The following TRDN variants were observed in gnomAD, a reference collection of about 807,000 sequenced individuals.
TRDN encodes triadin in skeletal muscle.
TRDN carries 161 observed loss-of-function variants against 149.7 expected under a neutral mutation model. The ratio of observed to expected loss-of-function variants is 1.08; its 90% CI spans 0.95 to 1.23. The LOEUF (loss-of-function observed/expected upper bound fraction) is 1.23, where lower values mean the gene tolerates loss of function less well. Among genes scored for constraint, TRDN ranks in the 50% most tolerant of loss-of-function variants. The pLI is 0.00. For synonymous variants in TRDN, 294 were observed against 250.5 expected (o/e 1.17, Z -1.64); for missense variants, 896 against 823.5 (o/e 1.09, Z -1.08).
intron 39 of TRDN, among the ~76,000 whole-genome samples, chr6:123,222,444 G>A (rs143709028): frequency 0.018 from 2,646 of 150,966 alleles, 73 homozygotes; most frequent in African/African-American, 0.06. Flanking sequence ...AGAAGCACTG[G>A]TCTATGAGTA....
chr6:123,529,127 C>T, intron 5 of TRDN: 1 of 1,510,940 alleles, frequency 6.6e-7, no homozygotes, highest in Non-Finnish European at 8.9e-7. Context: ...GCCACTCCAG[C>T]AGCACTGTTA....
At position 123,442,737 on chromosome 6, in the gene TRDN, G is replaced by C. The variant is rs916408771; in HGVS notation, c.932-3734C>G. On this transcript the variant is annotated intron_variant, in intron 10 of 40. Transcript: ENST00000334268. ...TCTTTTTAGGTAATTTTTTAGGTGTGACATTTACTGATCTCTTTGAGTAAA... is the reference window on the plus strand; with the variant it reads ...TCTTTTTAGGTAATTTTTTAGGTGTCACATTTACTGATCTCTTTGAGTAAA... 2.6e-5 allele frequency among the ~76,000 whole-genome samples: 4 copies of C among 151,942 alleles called. No individual in the cohort carries two copies. In the East Asian group the frequency reaches 5.8e-4, roughly 22 times the overall value.
chr6:123,499,719 A>ATAT lies in TRDN; in HGVS notation c.794-2468_794-2467insATA, dbSNP rs1554249831. ...ATTCTGGCTCAAAAAAAAAAAAAAA[A>ATAT]ATATATATATATATATATATATATA... On this transcript the variant is annotated intron_variant, in intron 8 of 40. Transcript: ENST00000334268. 6.5e-3 allele frequency among the ~76,000 whole-genome samples: 308 copies of ATAT among 47,644 alleles called. 4 individuals are homozygous for ATAT. The highest frequency in any genetic ancestry group is 0.02 in the African/African-American group (278 of 13,988). 31.3% of individuals were successfully genotyped at this position (47,644 alleles called of 152,430 possible). A position where few individuals can be genotyped will look rare whatever the true frequency, so the allele number is the denominator to read the frequency against.
intron 22 of TRDN, among the ~76,000 whole-genome samples, chr6:123,336,297 T>C (rs948854171): frequency 2.6e-5 from 4 of 152,048 alleles, no homozygotes; most frequent in Non-Finnish European, 5.9e-5. Flanking sequence ...AGTGTGACAC[T>C]GAGTAACTTA....
chr6:123,519,563 T>G (rs1486555343), intron 5 of TRDN, among the ~76,000 whole-genome samples: 1 of 151,632 alleles, frequency 6.6e-6, no homozygotes, highest in Non-Finnish European at 1.5e-5. Context: ...TTAATCGTCC[T>G]GTTCTTAGGT....
At chr6:123,591,692 A>G (rs1783790692) in intron 1 of TRDN, among the ~76,000 whole-genome samples, 1 of 152,234 alleles carries the variant, frequency 6.6e-6, no homozygotes, top group Admixed American at 6.5e-5. Flanking sequence ...ATTTAGAGAG[A>G]TAAGGTTTCC....
At chr6:123,278,190 T>C in intron 26 of TRDN, 128 bp downstream of exon 26, 1 of 623,312 alleles carries the variant, frequency 1.6e-6, no homozygotes, top group Non-Finnish European at 2.4e-6. Context: ...TTGTTAGTTT[T>C]TTTTTAAGTT....
chr6:123,584,342 T>C (rs1055325092), intron 1 of TRDN, among the ~76,000 whole-genome samples: 3 of 152,180 alleles, frequency 2.0e-5, no homozygotes, highest in Non-Finnish European at 4.4e-5. Flanking sequence ...TTTGTGATTT[T>C]GACGGCCTCT....
intron 21 of TRDN, among the ~76,000 whole-genome samples, chr6:123,345,275 T>C (rs547604368): frequency 6.6e-6 from 1 of 152,116 alleles, no homozygotes; most frequent in South Asian, 2.1e-4. Context: ...TTTTTGTTTA[T>C]GGATGTCCAG....
intron 1 of TRDN, 82 bp downstream of exon 1, chr6:123,636,672 T>A: frequency 6.6e-7 from 1 of 1,517,186 alleles, no homozygotes; most frequent in Non-Finnish European, 9.1e-7. Flanking sequence ...ACATTTTAAA[T>A]GGACACATCG....
chr6:123,544,974 A>G (rs147168371), intron 4 of TRDN, among the ~76,000 whole-genome samples: 1 of 152,140 alleles, frequency 6.6e-6, no homozygotes, highest in East Asian at 1.9e-4. Flanking sequence ...AACTTCAACC[A>G]TAAATAACAA....
At chr6:123,305,804 T>C (rs946981896) in intron 24 of TRDN, among the ~76,000 whole-genome samples, 1 of 152,188 alleles carries the variant, frequency 6.6e-6, no homozygotes, top group Non-Finnish European at 1.5e-5. Context: ...AAATCCCTTT[T>C]ATCTGTACTG....
At position 123,328,185 on chromosome 6, in the gene TRDN, G is replaced by A. The variant is rs376614127; in HGVS notation, c.1471+3694C>T. 1.1e-4 allele frequency among the ~76,000 whole-genome samples: 16 copies of A among 152,234 alleles called. No individual in the cohort carries two copies. In the South Asian group the frequency reaches 2.3e-3, roughly 22 times the overall value. ...TTCCTTCTCTCACCCAGAATCCCTC[G>A]CAGTTAAATGTATCAAGAATCTAAA... On this transcript the variant is annotated intron_variant, in intron 23 of 40. Coordinates refer to ENST00000334268, the MANE Select transcript of TRDN (RefSeq NM_006073.4).
At position 123,434,580 on chromosome 6, in the gene TRDN, C is replaced by T. The variant is rs192682834; in HGVS notation, c.1051+3483G>A. On this transcript the variant is annotated intron_variant, in intron 12 of 40. Coordinates refer to ENST00000334268, the MANE Select transcript of TRDN (RefSeq NM_006073.4). ...TAGTCCTTCAATAACATTGTAGGTA[C>T]TCAGTTCCCTGTATAGAATGTCTTC... Among the ~76,000 whole-genome samples the T allele has an allele frequency of 1.8e-3, 275 of 152,228 alleles. 1 individual carries two copies. Among genetic ancestry groups the T allele is most frequent in the Middle Eastern group, 3.4e-3 (1 of 294 alleles).
intron 20 of TRDN, among the ~76,000 whole-genome samples, chr6:123,358,654 G>GTTTTGT (rs1336881751): frequency 2.8e-5 from 4 of 141,758 alleles, no homozygotes; most frequent in Non-Finnish European, 4.7e-5. Context: ...GTTTTGTTTT[G>GTTTTGT]TTTGTTTTAG....
At chr6:123,621,824 C>A (rs1785397996) in intron 1 of TRDN, among the ~76,000 whole-genome samples, 1 of 152,012 alleles carries the variant, frequency 6.6e-6, no homozygotes, top group African/African-American at 2.4e-5. Context: ...GAAAGAGGAG[C>A]CTTAATTGGG....
intron 4 of TRDN, among the ~76,000 whole-genome samples, chr6:123,537,464 A>T (rs543423083): frequency 6.6e-6 from 1 of 152,310 alleles, no homozygotes; most frequent in African/African-American, 2.4e-5. Flanking sequence ...TCTTGTTCTC[A>T]TGACGTGTGC....
At chr6:123,556,378 A>G (rs1781655988) in intron 2 of TRDN, among the ~76,000 whole-genome samples, 1 of 152,174 alleles carries the variant, frequency 6.6e-6, no homozygotes. Context: ...CCATATACAT[A>G]GGTTGAAATT....
chr6:123,340,249 C>G (rs1780016801), intron 21 of TRDN, among the ~76,000 whole-genome samples: 1 of 152,062 alleles, frequency 6.6e-6, no homozygotes, highest in Non-Finnish European at 1.5e-5. Flanking sequence ...GAGTTCTTTC[C>G]TGACACAAGC....
Sources: allele counts gnomAD v4.1 joint callset (sites outside exome capture counted in the v4.1 genomes callset), GRCh38; gene constraint gnomAD v4.1.1; transcripts MANE v1.5; gene names NCBI Gene and HGNC (gene_info 2026-07-23, HGNC 2026-07-21).